The following GRHL1 variants were observed in gnomAD, a reference collection of about 807,000 sequenced individuals.
GRHL1 encodes the protein grainyhead like transcription factor 1.
Under a neutral mutation model 75.7 loss-of-function variants are expected in GRHL1, and 38 were observed. The observed-to-expected ratio is 0.50, with a 90% CI of 0.39 to 0.66. The LOEUF is 0.66. Ranked by LOEUF, GRHL1 falls within the 30% of genes least tolerant of loss-of-function variation. GRHL1 has a pLI of 0.00. For synonymous variants in GRHL1, 266 were observed against 279.4 expected (o/e 0.95, Z 0.48); for missense variants, 589 against 767.5 (o/e 0.77, Z 2.75).
chr2:9,966,732 TTTTC>T (rs1249179441), intron 8 of GRHL1, among the ~76,000 whole-genome samples: 2 of 152,098 alleles, frequency 1.3e-5, no homozygotes, highest in African/African-American at 4.8e-5. Context: ...TTATAATTGC[TTTTC>T]TTTCTTATCG....
At chr2:9,965,195 G>A in intron 7 of GRHL1, 92 bp from the exon 8 acceptor site, 1 of 699,296 alleles carries the variant, frequency 1.4e-6, no homozygotes, top group Non-Finnish European at 2.6e-6. Flanking sequence ...AGGTGATAAT[G>A]CTAAAAACTA....
In GRHL1 at chr2:9,951,768, C is replaced by G; in HGVS notation, c.-66C>G. On this transcript the variant is annotated 5_prime_UTR_variant, in exon 1 of 16. Transcript: ENST00000324907. The surrounding 1 kb of genome is among the most constrained non-coding windows in gnomAD (Gnocchi z 4.2). ...AGCCGCCGCCGCCGCCTCCTCCCCC[C>G]GGATCGGGTGTACTGTCCCAACCCG... is the stretch of plus-strand genomic sequence containing the variant. 3 of 1,453,790 alleles carry G rather than the reference C, an allele frequency of 2.1e-6. No homozygotes were observed. The highest frequency in any genetic ancestry group is 9.2e-7 in the Non-Finnish European group (1 of 1,087,302). The allele number at this position is 1,453,790 out of a possible 1,614,324, so 90.1% of individuals were successfully genotyped here. A position where few individuals can be genotyped will look rare whatever the true frequency, so the allele number is the denominator to read the frequency against.
intron 8 of GRHL1, among the ~76,000 whole-genome samples, chr2:9,975,980 A>G (rs1261969357): frequency 6.6e-6 from 1 of 152,194 alleles, no homozygotes; most frequent in East Asian, 1.9e-4. Context: ...TCATCTGTAA[A>G]ATGGGTCCAA....
chr2:9,993,785 A>G (rs923756534), intron 12 of GRHL1, among the ~76,000 whole-genome samples: 8 of 152,216 alleles, frequency 5.3e-5, no homozygotes, highest in African/African-American at 1.4e-4. Context: ...TCACTTGATT[A>G]AGCTGGTATC....
chr2:9,956,519 C>A (rs1667029426), intron 2 of GRHL1, among the ~76,000 whole-genome samples: 1 of 143,610 alleles, frequency 7.0e-6, no homozygotes, highest in Middle Eastern at 3.6e-3. Context: ...GAGACAGACC[C>A]TATCTCAAAA....
At chr2:9,959,558 C>A (rs942717817) in intron 3 of GRHL1, 2 of 152,192 alleles carry the variant, frequency 1.3e-5, no homozygotes, top group Non-Finnish European at 2.9e-5. Context: ...AACATTTTCT[C>A]TGTATTTTAA....
At chr2:9,996,164 G>A in intron 13 of GRHL1, 152 bp from the exon 14 acceptor site, 1 of 701,124 alleles carries the variant, frequency 1.4e-6, no homozygotes. Flanking sequence ...CCTTAAGACA[G>A]AATTGATATT....
Position 9,992,242 on chromosome 2 carries a change from G to T in GRHL1, c.1461+96G>T. On this transcript the variant is annotated intron_variant, in intron 11 of 15. Coordinates refer to ENST00000324907, the MANE Select transcript of GRHL1 (RefSeq NM_198182.3). The surrounding 1 kb of genome is among the most constrained non-coding windows in gnomAD (Gnocchi z 4.6). Reference sequence around the variant, plus strand: ...TTCATGGGAAACAGAAGCCAAAATTGAGTGAGGTTTGACCAGTTAGTCAGC... The same window carrying T: ...TTCATGGGAAACAGAAGCCAAAATTTAGTGAGGTTTGACCAGTTAGTCAGC... 4 of 1,174,768 alleles carry T rather than the reference G, an allele frequency of 3.4e-6. No individual in the cohort carries two copies. Among genetic ancestry groups the T allele is most frequent in the Non-Finnish European group, 4.9e-6 (4 of 818,404 alleles). The allele number at this position is 1,174,768 out of a possible 1,614,324, so 72.8% of individuals were successfully genotyped here.
At chr2:9,962,347 G>A (rs1212761320) in intron 4 of GRHL1, 108 bp from the exon 5 acceptor site, 1 of 673,188 alleles carries the variant, frequency 1.5e-6, no homozygotes, top group Non-Finnish European at 2.7e-6. Context: ...ATATGGAAAG[G>A]ATAGTGGGTT....
At chr2:9,999,064 G>C in intron 15 of GRHL1, 35 bp downstream of exon 15, 1 of 1,195,216 alleles carries the variant, frequency 8.4e-7, no homozygotes, top group Non-Finnish European at 1.2e-6. Context: ...ACCTCGGAAA[G>C]TGCTGATGCC....
chr2:9,959,022 T>A (rs1431004244), intron 3 of GRHL1, 166 bp downstream of exon 3: 1 of 1,119,964 alleles, frequency 8.9e-7, no homozygotes. Context: ...CCTCTGTTGC[T>A]CTGAAATTTC....
In GRHL1 at chr2:9,951,889, G is replaced by T. The variant is rs764826025; in HGVS notation, c.20+36G>T. On this transcript the variant is annotated intron_variant, in intron 1 of 15. Coordinates refer to ENST00000324907, the MANE Select transcript of GRHL1 (RefSeq NM_198182.3). This position sits in a 1 kb window ranked among gnomAD's most constrained non-coding sequence, Gnocchi z 4.2. ...CGCAGGAGTCCGGCCGCCGCGGGGGGGCCGCGCTGAGGGGCCGCACCTGCA... is the reference window on the plus strand; with the variant it reads ...CGCAGGAGTCCGGCCGCCGCGGGGGTGCCGCGCTGAGGGGCCGCACCTGCA... The T allele has an allele frequency of 2.8e-5, 40 of 1,411,988 alleles. 1 individual carries two copies. Among genetic ancestry groups the T allele is most frequent in the Middle Eastern group, 2.6e-4 (1 of 3,830 alleles). 87.5% of individuals were successfully genotyped at this position (1,411,988 alleles called of 1,614,324 possible). A position where few individuals can be genotyped will look rare whatever the true frequency, so the allele number is the denominator to read the frequency against.
At chr2:9,994,580 T>C (rs1025545660) in intron 12 of GRHL1, among the ~76,000 whole-genome samples, 1 of 152,108 alleles carries the variant, frequency 6.6e-6, no homozygotes, top group Admixed American at 6.6e-5. Flanking sequence ...AGGCGAGGCC[T>C]GCACTGCCCC....
chr2:9,990,179 C>T lies in GRHL1; in HGVS notation c.1270-517C>T, dbSNP rs1395602754. Among the ~76,000 whole-genome samples the T allele has an allele frequency of 2.0e-5, 3 of 151,216 alleles. No homozygotes were observed. Among genetic ancestry groups the T allele is most frequent in the Non-Finnish European group, 2.9e-5 (2 of 67,898 alleles). ...GCTTTTTTTTTTTGAGACAGAGTTT[C>T]GCTTTGTCACCCAGGCTGGAGTGCA... is the stretch of plus-strand genomic sequence containing the variant. On this transcript the variant is annotated intron_variant, in intron 9 of 15. Coordinates refer to ENST00000324907, the MANE Select transcript of GRHL1 (RefSeq NM_198182.3). The surrounding 1 kb of genome is among the most constrained non-coding windows in gnomAD (Gnocchi z 4.2).
chr2:10,000,607 TG>T lies in GRHL1; in HGVS notation c.1759del (p.Asp587ThrfsTer5). On this transcript the variant is annotated frameshift_variant, in exon 16 of 16. Transcript: ENST00000324907. LOFTEE classifies it high-confidence loss of function. ...CCCCCATCCAGGATCCTGGTGAACA[TG>T]GACGACAACATTGTGAAGCATTACT... ...KKCKKGILVN[M>X]DDNIVKHYSN... 1 of 1,610,334 alleles carries T rather than the reference TG, an allele frequency of 6.2e-7. No homozygotes were observed. The highest frequency in any genetic ancestry group is 8.5e-7 in the Non-Finnish European group (1 of 1,176,902).
intron 8 of GRHL1, chr2:9,965,938 T>C (rs988011223): frequency 2.6e-5 from 4 of 152,456 alleles, no homozygotes; most frequent in African/African-American, 9.6e-5. Flanking sequence ...TGTGGGCGAC[T>C]CTAATGGGAA....
At chr2:9,995,715 A>C (rs1366616443) in intron 12 of GRHL1, among the ~76,000 whole-genome samples, 164 bp from the exon 13 acceptor site, 1 of 152,222 alleles carries the variant, frequency 6.6e-6, no homozygotes, top group Non-Finnish European at 1.5e-5. Flanking sequence ...CCCTGGAGTC[A>C]GGATCTTCCT....
At chr2:9,957,631 G>A (rs1285843534) in intron 2 of GRHL1, among the ~76,000 whole-genome samples, 1 of 151,912 alleles carries the variant, frequency 6.6e-6, no homozygotes, top group Non-Finnish European at 1.5e-5. Flanking sequence ...GGATGGTCTC[G>A]ATCTCTTGAC....
chr2:9,976,146 G>T (rs971536802), intron 8 of GRHL1, among the ~76,000 whole-genome samples: 7 of 152,192 alleles, frequency 4.6e-5, no homozygotes, highest in Non-Finnish European at 8.8e-5. Flanking sequence ...GCACTGCCAA[G>T]ATGCTCTTGG....
Sources: allele counts gnomAD v4.1 joint callset (sites outside exome capture counted in the v4.1 genomes callset), GRCh38; gene constraint gnomAD v4.1.1; non-coding constraint Gnocchi (gnomAD v3.1); transcripts MANE v1.5; gene names NCBI Gene and HGNC (gene_info 2026-07-23, HGNC 2026-07-21).